Variants in ANAPC11 observed in about 807,000 individuals in gnomAD.
ANAPC11 encodes anaphase promoting complex subunit 11, also known as anaphase-promoting complex subunit 11.
In ANAPC11, 5 loss-of-function variants were observed where a neutral mutation model predicts 11.8. The observed-to-expected ratio is 0.42, with a 90% confidence interval of 0.22 to 0.89. The LOEUF is 0.89. Ranked by LOEUF, ANAPC11 falls within the 40% of genes least tolerant of loss-of-function variation. The probability of loss-of-function intolerance (pLI) is 0.28; values close to 1 mark genes in which losing one functional copy is unlikely to be tolerated. For missense variants in ANAPC11, 68 were observed against 112.9 expected (o/e 0.60, Z 1.80); for synonymous variants, 45 against 41.0 (o/e 1.10, Z -0.38).
intron 3 of ANAPC11, 113 bp downstream of exon 3, chr17:81,894,699 T>A: frequency 2.0e-6 from 1 of 496,888 alleles, no homozygotes; most frequent in Non-Finnish European, 3.4e-6. Flanking sequence ...CTGCACGAAA[T>A]ACCCAGTTTC....
intron 3 of ANAPC11, chr17:81,898,896 G>T: frequency 5.9e-6 from 2 of 336,694 alleles, no homozygotes; most frequent in Middle Eastern, 8.5e-4. Flanking sequence ...GGCCTCCCCC[G>T]AGTACTCAGA....
intron 2 of ANAPC11, among the ~76,000 whole-genome samples, chr17:81,893,896 G>T (rs1169146897): frequency 6.6e-6 from 1 of 151,444 alleles, no homozygotes; most frequent in East Asian, 1.9e-4. Flanking sequence ...AAAGCGGATT[G>T]CTGCTGGGGC....
At chr17:81,894,003 GC>G (rs1205279506) in intron 2 of ANAPC11, among the ~76,000 whole-genome samples, 1 of 151,864 alleles carries the variant, frequency 6.6e-6, no homozygotes, top group South Asian at 2.1e-4. Context: ...TCATAGCAGG[GC>G]ATAGGGGTTC....
intron 3 of ANAPC11, among the ~76,000 whole-genome samples, chr17:81,895,549 G>A (rs567294738): frequency 2.9e-4 from 44 of 152,168 alleles, no homozygotes; most frequent in African/African-American, 9.6e-4. Flanking sequence ...GGCGGCCCAC[G>A]CCTGTTATTC....
At chr17:81,893,368 A>G (rs1267132915) in intron 1 of ANAPC11, among the ~76,000 whole-genome samples, 184 bp from the exon 2 acceptor site, 1 of 152,130 alleles carries the variant, frequency 6.6e-6, no homozygotes, top group Non-Finnish European at 1.5e-5. Context: ...CTGGGATTAC[A>G]GGCGTGAGCC....
At chr17:81,895,217 G>C (rs1227683185) in intron 3 of ANAPC11, among the ~76,000 whole-genome samples, 2 of 151,876 alleles carry the variant, frequency 1.3e-5, no homozygotes, top group African/African-American at 4.8e-5. Flanking sequence ...ACTACACCCG[G>C]CTAATTTTGT....
At chr17:81,891,532 C>A, upstream of ANAPC11, 1 of 1,433,498 alleles carries the variant, frequency 7.0e-7, no homozygotes, top group South Asian at 1.3e-5. Flanking sequence ...ATGATGTCGT[C>A]CAGAGACATG....
chr17:81,899,479 A>C (rs2039862779), intron 3 of ANAPC11: 4 of 1,613,790 alleles, frequency 2.5e-6, no homozygotes, highest in African/African-American at 2.7e-5. Context: ...TGGTGCCTTG[A>C]CCATTCATGT....
chr17:81,896,395 C>T (rs567201407), intron 3 of ANAPC11, among the ~76,000 whole-genome samples: 1 of 152,150 alleles, frequency 6.6e-6, no homozygotes, highest in East Asian at 1.9e-4. Context: ...GCACTCCAGC[C>T]TGGGCAACAA....
At chr17:81,895,713 T>A (rs1401298533) in intron 3 of ANAPC11, among the ~76,000 whole-genome samples, 1 of 152,134 alleles carries the variant, frequency 6.6e-6, no homozygotes, top group African/African-American at 2.4e-5. Context: ...CCCACACTTG[T>A]CATCCCAGCA....
chr17:81,891,576 G>T (rs559011700), upstream of ANAPC11: 122 of 1,435,740 alleles, frequency 8.5e-5, 1 homozygote, highest in African/African-American at 1.8e-3. Flanking sequence ...CGCGGAATCG[G>T]GCATCGGCTC....
chr17:81,893,920 G>A lies in ANAPC11; in HGVS notation c.-12+306G>A, dbSNP rs548797760. Reference sequence around the variant, plus strand: ...TGCTGCTGGGGCTTGCTGTTCTCCCGTAGCTCCCCTGCAGCCCTGACCCTC... The same window carrying A: ...TGCTGCTGGGGCTTGCTGTTCTCCCATAGCTCCCCTGCAGCCCTGACCCTC... On this transcript the variant is annotated intron_variant, in intron 2 of 3. Coordinates refer to ENST00000344877, the MANE Select transcript of ANAPC11 (RefSeq NM_001002248.3). 1.5e-4 allele frequency among the ~76,000 whole-genome samples: 23 copies of A among 151,940 alleles called. No homozygotes were observed. In the South Asian group the frequency reaches 3.1e-3, roughly 21 times the overall value.
intron 3 of ANAPC11, chr17:81,898,083 TTAA>T (rs2039802051): frequency 1.3e-5 from 2 of 152,270 alleles, no homozygotes; most frequent in Admixed American, 1.3e-4. Flanking sequence ...GCTAATTAGG[TTAA>T]TAACTAAATT....
chr17:81,890,906 C>A, upstream of ANAPC11: 1 of 1,581,234 alleles, frequency 6.3e-7, no homozygotes, highest in Non-Finnish European at 8.6e-7. Flanking sequence ...GACCCTTCCT[C>A]TTCCCGGCCT....
upstream of ANAPC11, chr17:81,891,615 C>G: frequency 2.2e-6 from 3 of 1,365,058 alleles, no homozygotes; most frequent in Non-Finnish European, 2.9e-6. Flanking sequence ...GCCGGCACGT[C>G]ACTTCCGGCG....
intron 1 of ANAPC11, chr17:81,892,068 C>CG (rs2039554851): frequency 6.5e-6 from 1 of 153,238 alleles, no homozygotes; most frequent in African/African-American, 2.4e-5. Context: ...CCGGCGGGCG[C>CG]GGCTTCGGCG....
rs1343117442 is a variant in ANAPC11 at position 81,891,810 on chromosome 17, C to G, written c.-106C>G. The G allele has an allele frequency of 4.2e-6, 1 of 238,092 alleles. No homozygotes were observed. 14.7% of individuals were successfully genotyped at this position (238,092 alleles called of 1,614,324 possible). On this transcript the variant is annotated 5_prime_UTR_variant, in exon 1 of 4. Coordinates refer to ENST00000344877, the MANE Select transcript of ANAPC11 (RefSeq NM_001002248.3). ...GTTTTTATACCTTCCCGCGCGGACG[C>G]CGGCGCTGCCAACGGAAGGGCGGGT...
rs531130401 is a variant in ANAPC11 at position 81,894,334 on chromosome 17, C to T, written c.-11-133C>T. 27 of 440,922 alleles carry T rather than the reference C, an allele frequency of 6.1e-5. No individual in the cohort carries two copies. In the South Asian group the frequency reaches 8.0e-4, roughly 13 times the overall value. 27.3% of individuals were successfully genotyped at this position (440,922 alleles called of 1,614,324 possible). A position where few individuals can be genotyped will look rare whatever the true frequency, so the allele number is the denominator to read the frequency against. On this transcript the variant is annotated intron_variant, in intron 2 of 3. Coordinates refer to ENST00000344877, the MANE Select transcript of ANAPC11 (RefSeq NM_001002248.3). ...CCAGGCTGGGTTCGGACTCCTGGGC[C>T]GGTATGATCTTCCTGCCTTGGCCCC... is the stretch of plus-strand genomic sequence containing the variant.
chr17:81,896,559 C>A (rs969377155), intron 3 of ANAPC11, among the ~76,000 whole-genome samples: 2 of 152,206 alleles, frequency 1.3e-5, no homozygotes, highest in Admixed American at 1.3e-4. Flanking sequence ...CCAGGGAGGA[C>A]AAGAAGAACT....
Sources: gnomAD v4.1 joint callset for allele counts (sites outside exome capture counted in the v4.1 genomes callset) on GRCh38, gnomAD v4.1.1 for gene constraint, MANE v1.5 for transcripts, NCBI Gene and HGNC (gene_info 2026-07-23, HGNC 2026-07-21) for gene names.